GPRIN3: variants seen among roughly 807,000 people sequenced by gnomAD.
The protein encoded by GPRIN3 is G protein-regulated inducer of neurite outgrowth 3.
GPRIN3 carries 12 observed loss-of-function variants against 13.7 expected under a neutral mutation model. The ratio of observed to expected loss-of-function variants is 0.87; its 90% confidence interval spans 0.56 to 1.42. GPRIN3 has a LOEUF of 1.42. Ranked by LOEUF, GPRIN3 falls within the 40% of genes most tolerant of loss-of-function variation. GPRIN3 has a pLI of 0.00. For synonymous variants in GPRIN3, 377 were observed against 372.7 expected (o/e 1.01, Z -0.13); for missense variants, 1,009 against 958.7 (o/e 1.05, Z -0.69).
chr4:89,265,471 A>G (rs1723757081), intron 1 of GPRIN3, among the ~76,000 whole-genome samples: 1 of 152,206 alleles, frequency 6.6e-6, no homozygotes, highest in African/African-American at 2.4e-5. Flanking sequence ...AAATTAAAGA[A>G]TATTCTTTCA....
At chr4:89,261,129 G>A (rs1197289064) in intron 1 of GPRIN3, among the ~76,000 whole-genome samples, 1 of 152,130 alleles carries the variant, frequency 6.6e-6, no homozygotes, top group Non-Finnish European at 1.5e-5. Context: ...ATATGATCAA[G>A]AGGAGCTAGA....
At chr4:89,274,797 C>CTG (rs1724048423) in intron 1 of GPRIN3, among the ~76,000 whole-genome samples, 1 of 152,124 alleles carries the variant, frequency 6.6e-6, no homozygotes, top group Admixed American at 6.5e-5. Context: ...TGGGATGATG[C>CTG]TGTGGGTGGG....
At position 89,237,394 on chromosome 4, in the gene GPRIN3, T is replaced by A. The variant is rs189091145; in HGVS notation, c.*10386A>T. The A allele has an allele frequency of 6.6e-6, 1 of 152,298 alleles. No individual in the cohort carries two copies. The highest frequency in any genetic ancestry group is 1.9e-4 in the East Asian group (1 of 5,168). The allele number at this position is 152,298 out of a possible 1,614,324, so 9.4% of individuals were successfully genotyped here. A position where few individuals can be genotyped will look rare whatever the true frequency, so the allele number is the denominator to read the frequency against. On this transcript the variant is annotated 3_prime_UTR_variant, in exon 2 of 2. Coordinates refer to ENST00000609438, the MANE Select transcript of GPRIN3 (RefSeq NM_198281.3). ...AATGTCTGTATCCCTCCAAAACTCA[T>A]GTTGAAGTCTGAACTCCTAAGGCGA...
chr4:89,289,064 T>C (rs573179039), intron 1 of GPRIN3, among the ~76,000 whole-genome samples: 1 of 151,608 alleles, frequency 6.6e-6, no homozygotes, highest in Admixed American at 6.6e-5. Flanking sequence ...TCAAACTAAT[T>C]CGTTCTTTGA....
chr4:89,275,700 T>C (rs987309505), intron 1 of GPRIN3, among the ~76,000 whole-genome samples: 3 of 152,202 alleles, frequency 2.0e-5, no homozygotes, highest in Non-Finnish European at 4.4e-5. Flanking sequence ...GCCCAAGAAA[T>C]GGTTGTGTAA....
At chr4:89,304,196 C>T (rs963284922) in intron 1 of GPRIN3, among the ~76,000 whole-genome samples, 4 of 152,162 alleles carry the variant, frequency 2.6e-5, no homozygotes, top group African/African-American at 9.7e-5. Context: ...TAAGTCTTGC[C>T]TTCCTCAATC....
chr4:89,291,200 A>G (rs1724562357), intron 1 of GPRIN3, among the ~76,000 whole-genome samples: 1 of 152,158 alleles, frequency 6.6e-6, no homozygotes, highest in South Asian at 2.1e-4. Flanking sequence ...GAATTAACAC[A>G]AGTCACATAC....
intron 1 of GPRIN3, among the ~76,000 whole-genome samples, chr4:89,300,972 A>G (rs949420480): frequency 2.6e-5 from 4 of 152,194 alleles, no homozygotes; most frequent in Admixed American, 2.0e-4. Flanking sequence ...TTTCAAGGAG[A>G]AATACCTTAT....
At chr4:89,266,542 T>A (rs77651527) in intron 1 of GPRIN3, among the ~76,000 whole-genome samples, 1 of 152,346 alleles carries the variant, frequency 6.6e-6, no homozygotes, top group African/African-American at 2.4e-5. Context: ...TTGAATGGTT[T>A]AGGAAAACTT....
chr4:89,255,248 G>A (rs1723435769), intron 1 of GPRIN3, among the ~76,000 whole-genome samples: 1 of 152,164 alleles, frequency 6.6e-6, no homozygotes, highest in South Asian at 2.1e-4. Context: ...ACCTCTCAGG[G>A]CCCCAGTTTA....
At position 89,247,763 on chromosome 4, in the gene GPRIN3, C is replaced by G. The variant is rs1264865482; in HGVS notation, c.*17G>C. The G allele has an allele frequency of 1.3e-6, 2 of 1,587,346 alleles. No homozygotes were observed. The highest frequency in any genetic ancestry group is 1.7e-6 in the Non-Finnish European group (2 of 1,164,748). On this transcript the variant is annotated 3_prime_UTR_variant, in exon 2 of 2. Transcript: ENST00000609438. ...AATACCGTAAATTTATACACAAACTCCCATAAATACTCCCTTTCAATCTAA... is the reference window on the plus strand; with the variant it reads ...AATACCGTAAATTTATACACAAACTGCCATAAATACTCCCTTTCAATCTAA...
intron 1 of GPRIN3, among the ~76,000 whole-genome samples, chr4:89,256,493 T>A (rs1247610982): frequency 1.3e-5 from 2 of 152,184 alleles, no homozygotes; most frequent in Admixed American, 6.5e-5. Flanking sequence ...CAGCCCTTTG[T>A]GACTTCCCCC....
At chr4:89,252,474 A>T (rs1045698521) in intron 1 of GPRIN3, among the ~76,000 whole-genome samples, 1 of 152,250 alleles carries the variant, frequency 6.6e-6, no homozygotes, top group African/African-American at 2.4e-5. Context: ...TTCCAGCTCC[A>T]AAATTCAAGG....
intron 1 of GPRIN3, among the ~76,000 whole-genome samples, chr4:89,291,830 CTT>C (rs33981386): frequency 2.7e-3 from 310 of 115,826 alleles, no homozygotes; most frequent in Middle Eastern, 9.0e-3. Context: ...ACTGTCAGGG[CTT>C]TTTTTTTTTT....
Position 89,250,113 on chromosome 4 carries a change from A to G in GPRIN3, c.-3T>C. The G allele has an allele frequency of 6.2e-7, 1 of 1,609,314 alleles. No individual in the cohort carries two copies. The highest frequency in any genetic ancestry group is 1.3e-5 in the African/African-American group (1 of 74,874). Reference sequence around the variant, plus strand: ...AGAGGGTCAGGTACAGTCCCCATGGAATTTCTCTTCAGGAGCACTCCAGAG... The same window carrying G: ...AGAGGGTCAGGTACAGTCCCCATGGGATTTCTCTTCAGGAGCACTCCAGAG... On this transcript the variant is annotated 5_prime_UTR_variant, in exon 2 of 2. Transcript: ENST00000609438.
intron 1 of GPRIN3, among the ~76,000 whole-genome samples, chr4:89,297,526 T>C (rs1724772151): frequency 6.6e-6 from 1 of 152,300 alleles, no homozygotes; most frequent in South Asian, 2.1e-4. Flanking sequence ...TCTCTTTTCT[T>C]TTATTTCCCC....
chr4:89,263,336 G>A (rs1293933755), intron 1 of GPRIN3, among the ~76,000 whole-genome samples: 1 of 152,182 alleles, frequency 6.6e-6, no homozygotes, highest in African/African-American at 2.4e-5. Flanking sequence ...TGATTGGTAT[G>A]TTCTCTTATT....
In GPRIN3 at chr4:89,248,148, G is replaced by A. The variant is rs374922838; in HGVS notation, c.1963C>T (p.Gln655Ter). The A allele has an allele frequency of 5.6e-6, 9 of 1,613,994 alleles. No homozygotes were observed. In the Middle Eastern group the frequency reaches 4.9e-4, roughly 88 times the overall value. The change falls in exon 2 of 2, where the codon CAG becomes TAG. Residue 655 changes from glutamine to a stop codon, truncating the protein, a stop_gained. Transcript: ENST00000609438. LOFTEE classifies it high-confidence loss of function. ...QKLNVTAAAA[Q>*]VGLTPGDKKK... ...TTATCTCCTGGAGTGAGTCCTACCT[G>A]AGCAGCAGCTGCTGTCACATTTAAC...
In GPRIN3 at chr4:89,249,353, G is replaced by A. The variant is rs1723242122; in HGVS notation, c.758C>T (p.Thr253Ile). 1.2e-6 allele frequency: 2 copies of A among 1,614,142 alleles called. No homozygotes were observed. Among genetic ancestry groups the A allele is most frequent in the African/African-American group, 2.7e-5 (2 of 75,042 alleles). Residue 253 changes from threonine to isoleucine, a missense_variant, in exon 2 of 2, where the codon ACT becomes ATT. Thr to Ile is a moderately conservative substitution (Grantham distance 89). Transcript: ENST00000609438. ...GCSENKQPSV[T>I]ASGPQGTTSV... ...AGTTGTGCCTTGGGGGCCCGAGGCA[G>A]TGACAGAGGGCTGCTTGTTCTCTGA...
Sources: gnomAD v4.1 joint callset for allele counts (sites outside exome capture counted in the v4.1 genomes callset) on GRCh38, gnomAD v4.1.1 for gene constraint, MANE v1.5 for transcripts, NCBI Gene and HGNC (gene_info 2026-07-23, HGNC 2026-07-21) for gene names.